Variants in PRSS12 observed in about 807,000 individuals in gnomAD.
The protein encoded by PRSS12 is neurotrypsin.
In PRSS12, 85 loss-of-function variants were observed where a neutral mutation model predicts 104.4. That is an observed-to-expected ratio of 0.81 (90% CI 0.68 to 0.98). The LOEUF is 0.98. Among genes scored for constraint, PRSS12 ranks in the 50% least tolerant of loss-of-function variants. PRSS12 has a pLI of 0.00. For missense variants in PRSS12, 1,141 were observed against 1,139.2 expected (o/e 1.00, Z -0.02); for synonymous variants, 454 against 425.2 (o/e 1.07, Z -0.83).
rs183395957 is a variant in PRSS12 at position 118,285,641 on chromosome 4, C to T, written c.2040-2530G>A. On this transcript the variant is annotated intron_variant, in intron 11 of 12. Transcript: ENST00000296498. Reference sequence around the variant, plus strand: ...AGATGTGCTGAAAGTACAAAATACACAGAATTTTGAATACTTAGTATGAAA... The same window carrying T: ...AGATGTGCTGAAAGTACAAAATACATAGAATTTTGAATACTTAGTATGAAA... 1.2e-3 allele frequency among the ~76,000 whole-genome samples: 189 copies of T among 151,728 alleles called. 1 individual carries two copies. The highest frequency in any genetic ancestry group is 3.9e-3 in the African/African-American group (163 of 41,328).
chr4:118,312,879 A>G (rs1235051261), intron 7 of PRSS12: 1 of 334,282 alleles, frequency 3.0e-6, no homozygotes, highest in South Asian at 2.9e-5. Context: ...GAAAATCAGA[A>G]TAAGTGACCG....
chr4:118,292,024 T>A (rs1431164667), intron 11 of PRSS12, among the ~76,000 whole-genome samples: 1 of 151,938 alleles, frequency 6.6e-6, no homozygotes, highest in Non-Finnish European at 1.5e-5. Flanking sequence ...CGCGTATACC[T>A]ATGTAACAAA....
intron 4 of PRSS12, among the ~76,000 whole-genome samples, chr4:118,326,186 T>G (rs1171141616): frequency 6.6e-6 from 1 of 152,220 alleles, no homozygotes; most frequent in Non-Finnish European, 1.5e-5. Context: ...GCTCTTTAAC[T>G]GCAATTATCA....
chr4:118,345,485 T>A (rs1272809761), intron 1 of PRSS12, among the ~76,000 whole-genome samples: 2 of 152,142 alleles, frequency 1.3e-5, no homozygotes, highest in East Asian at 3.9e-4. Context: ...ACTATGCAGC[T>A]AAGGAGAGAG....
intron 11 of PRSS12, among the ~76,000 whole-genome samples, chr4:118,288,555 G>A (rs895927879): frequency 2.0e-5 from 3 of 152,212 alleles, no homozygotes; most frequent in Non-Finnish European, 2.9e-5. Context: ...GTCAGGTAAA[G>A]TTATATTCTT....
At chr4:118,324,861 C>T (rs1430286531) in intron 4 of PRSS12, among the ~76,000 whole-genome samples, 2 of 151,864 alleles carry the variant, frequency 1.3e-5, no homozygotes, top group African/African-American at 4.8e-5. Context: ...TACAGGCGCC[C>T]ACCACCACAC....
chr4:118,307,642 G>A (rs1743589696), intron 8 of PRSS12, among the ~76,000 whole-genome samples: 1 of 152,064 alleles, frequency 6.6e-6, no homozygotes, highest in East Asian at 1.9e-4. Context: ...TTACCCAGCT[G>A]AGGTCTAACC....
At chr4:118,351,729 G>A (rs1724510616) in intron 1 of PRSS12, among the ~76,000 whole-genome samples, 1 of 152,070 alleles carries the variant, frequency 6.6e-6, no homozygotes, top group East Asian at 1.9e-4. Flanking sequence ...GCTAAATTAA[G>A]GCAAAATTTT....
chr4:118,312,556 A>G (rs922962945), intron 7 of PRSS12, among the ~76,000 whole-genome samples: 5 of 152,212 alleles, frequency 3.3e-5, no homozygotes, highest in Admixed American at 1.3e-4. Context: ...ATCTTTATCT[A>G]TAATTATTTC....
intron 11 of PRSS12, among the ~76,000 whole-genome samples, chr4:118,290,093 G>A (rs548488851): frequency 6.6e-6 from 1 of 152,250 alleles, no homozygotes; most frequent in East Asian, 1.9e-4. Flanking sequence ...TATCTACTAT[G>A]TGCCAAGTCA....
chr4:118,286,871 G>T (rs982700884), intron 11 of PRSS12, among the ~76,000 whole-genome samples: 1 of 152,060 alleles, frequency 6.6e-6, no homozygotes, highest in African/African-American at 2.4e-5. Flanking sequence ...ACTCCTGCCC[G>T]TACATGCCCA....
intron 7 of PRSS12, among the ~76,000 whole-genome samples, chr4:118,309,703 G>A (rs1458738425): frequency 1.3e-5 from 2 of 152,146 alleles, no homozygotes; most frequent in African/African-American, 4.8e-5. Context: ...TGCTGTTAAG[G>A]ATTTAGGGAA....
chr4:118,308,411 T>C (rs1304931136), intron 8 of PRSS12, 25 bp downstream of exon 8: 1 of 1,613,682 alleles, frequency 6.2e-7, no homozygotes. Flanking sequence ...TCAGTAACCA[T>C]CCCAAATAAT....
intron 8 of PRSS12, among the ~76,000 whole-genome samples, chr4:118,300,710 A>G (rs1168271359): frequency 3.3e-5 from 5 of 152,178 alleles, no homozygotes; most frequent in Non-Finnish European, 7.4e-5. Context: ...TACTCCAAGG[A>G]AAGTGGAAAG....
At chr4:118,328,806 T>C (rs974890913) in intron 4 of PRSS12, among the ~76,000 whole-genome samples, 3 of 152,018 alleles carry the variant, frequency 2.0e-5, no homozygotes, top group Admixed American at 6.6e-5. Flanking sequence ...TCTTTTTCCT[T>C]TTCTTGAAAC....
intron 1 of PRSS12, among the ~76,000 whole-genome samples, chr4:118,344,423 T>C (rs1724300504): frequency 6.6e-6 from 1 of 152,038 alleles, no homozygotes; most frequent in Admixed American, 6.5e-5. Flanking sequence ...TCTACAGTAC[T>C]AAGTTATACT....
At chr4:118,297,498 A>ATACACACAT (rs1428571601) in intron 9 of PRSS12, among the ~76,000 whole-genome samples, 12 of 151,520 alleles carry the variant, frequency 7.9e-5, no homozygotes, top group Non-Finnish European at 1.5e-4. Context: ...ACATATATCT[A>ATACACACAT]TACACACATT....
chr4:118,299,717 A>AAAAT (rs1246918124), intron 8 of PRSS12, among the ~76,000 whole-genome samples: 5 of 66,600 alleles, frequency 7.5e-5, no homozygotes, highest in Non-Finnish European at 1.7e-4. Context: ...TAAAATAAAT[A>AAAAT]AAATAAAATA....
At chr4:118,293,019 A>T (rs1318096225) in intron 11 of PRSS12, among the ~76,000 whole-genome samples, 1 of 148,864 alleles carries the variant, frequency 6.7e-6, no homozygotes, top group Non-Finnish European at 1.5e-5. Context: ...CATCTCAAAA[A>T]ATAATAATAA....
Sources: allele counts gnomAD v4.1 joint callset (sites outside exome capture counted in the v4.1 genomes callset), GRCh38; gene constraint gnomAD v4.1.1; transcripts MANE v1.5; gene names NCBI Gene and HGNC (gene_info 2026-07-23, HGNC 2026-07-21).